The following CA5B variants were observed in gnomAD, a reference collection of about 807,000 sequenced individuals.
CA5B encodes carbonic anhydrase 5B.
In CA5B, 15 loss-of-function variants were observed where a neutral mutation model predicts 23.1. The ratio of observed to expected loss-of-function variants is 0.65; its 90% confidence interval spans 0.43 to 1.00. The LOEUF is 1.00. Among genes scored for constraint, CA5B ranks in the 50% least tolerant of loss-of-function variants. The pLI is 0.00. For synonymous variants in CA5B, 84 were observed against 98.5 expected (o/e 0.85, Z 0.87); for missense variants, 236 against 252.2 (o/e 0.94, Z 0.43).
At chrX:15,770,314 A>C (rs770702119) in intron 3 of CA5B, among the ~76,000 whole-genome samples, 1 of 111,330 alleles carries the variant, frequency 9.0e-6, no homozygotes, top group South Asian at 3.8e-4. Flanking sequence ...ACTCTGTCTC[A>C]AAAAAAAATT....
intron 2 of CA5B, among the ~76,000 whole-genome samples, chrX:15,754,963 T>A (rs758481508): frequency 8.9e-6 from 1 of 112,403 alleles, no homozygotes; most frequent in Non-Finnish European, 1.9e-5. Context: ...CTTAATATAC[T>A]GGACATTTCT....
intron 1 of CA5B, among the ~76,000 whole-genome samples, chrX:15,741,447 C>T (rs776341365): frequency 1.8e-4 from 19 of 108,192 alleles, no homozygotes; most frequent in African/African-American, 6.4e-4. Flanking sequence ...CTTTCCCTTC[C>T]CTGTTTCTCA....
Position 15,782,681 on chromosome X carries a change from C to G in CA5B, c.*17C>G, listed in dbSNP as rs756325479. The G allele has an allele frequency of 1.7e-6, 2 of 1,143,245 alleles. No individual in the cohort carries two copies. Among genetic ancestry groups the G allele is most frequent in the African/African-American group, 3.7e-5 (2 of 54,764 alleles). The allele number at this position is 1,143,245 out of a possible 1,213,427, so 94.2% of individuals were successfully genotyped here. ...ACCCCCTAAAACATTCATATCTAGGCAGTATTTTGCTTTTGCTTTAATATA... is the reference window on the plus strand; with the variant it reads ...ACCCCCTAAAACATTCATATCTAGGGAGTATTTTGCTTTTGCTTTAATATA... On this transcript the variant is annotated 3_prime_UTR_variant, in exon 8 of 8. Coordinates refer to ENST00000318636, the MANE Select transcript of CA5B (RefSeq NM_007220.4).
intron 6 of CA5B, chrX:15,775,980 G>A: frequency 1.3e-6 from 1 of 751,870 alleles, no homozygotes; most frequent in Non-Finnish European, 1.6e-6. Context: ...TTTAGTTCAG[G>A]TTTCTGGCTC....
chrX:15,756,215 G>T (rs1020699822), intron 2 of CA5B, among the ~76,000 whole-genome samples: 3 of 112,641 alleles, frequency 2.7e-5, no homozygotes, highest in Non-Finnish European at 5.6e-5. Flanking sequence ...AACCTAAGAA[G>T]TGTTCAGGGT....
intron 1 of CA5B, 129 bp downstream of exon 1, chrX:15,738,481 G>A (rs1931054208): frequency 9.0e-6 from 1 of 111,427 alleles, no homozygotes; most frequent in Non-Finnish European, 1.9e-5. Flanking sequence ...TGTTGATCCT[G>A]CGAGTATTGT....
At chrX:15,756,806 G>T (rs1236339771) in intron 2 of CA5B, among the ~76,000 whole-genome samples, 3 of 111,682 alleles carry the variant, frequency 2.7e-5, no homozygotes, top group Non-Finnish European at 5.6e-5. Context: ...TGTAATCCCA[G>T]CACTTTGGGA....
intron 7 of CA5B, among the ~76,000 whole-genome samples, chrX:15,779,311 T>A (rs1334420790): frequency 9.0e-6 from 1 of 111,683 alleles, no homozygotes; most frequent in Non-Finnish European, 1.9e-5. Context: ...GACCCTCAGT[T>A]TATTGGATGA....
intron 1 of CA5B, among the ~76,000 whole-genome samples, chrX:15,739,793 G>C (rs1931081146): frequency 8.9e-6 from 1 of 111,818 alleles, no homozygotes; most frequent in Non-Finnish European, 1.9e-5. Flanking sequence ...AGAAGTGGGT[G>C]AGAGGGGGAA....
intron 2 of CA5B, among the ~76,000 whole-genome samples, chrX:15,755,614 A>G (rs1293015414): frequency 1.8e-5 from 2 of 112,416 alleles, no homozygotes; most frequent in African/African-American, 3.2e-5. Context: ...AACGTAAGCC[A>G]CAAATATGAG....
intron 4 of CA5B, 134 bp downstream of exon 4, chrX:15,772,748 T>C (rs1931846062): frequency 7.4e-6 from 3 of 405,569 alleles, no homozygotes; most frequent in Admixed American, 7.9e-5. Flanking sequence ...GTTTTGATCA[T>C]TCTCAGCTAA....
At chrX:15,740,865 ACCAGCCTGGACAACATGGCGAAACC>A (rs1218683764) in intron 1 of CA5B, among the ~76,000 whole-genome samples, 1 of 111,627 alleles carries the variant, frequency 9.0e-6, no homozygotes, top group African/African-American at 3.3e-5. Context: ...GGAGTTCGAG[ACCAGCCTGGACAACATGGCGAAACC>A]CCGTCTCTAC....
At position 15,778,706 on chromosome X, in the gene CA5B, G is replaced by T. The variant is rs150370687; in HGVS notation, c.774+1837G>T. On this transcript the variant is annotated intron_variant, in intron 7 of 7. Transcript: ENST00000318636. ...AGGCCTCAGGAAACTTAAAATCATG[G>T]CAGAAGGCAAAAGGGAAGCAAGGAC... Among the ~76,000 whole-genome samples the T allele has an allele frequency of 9.6e-3, 1,069 of 111,445 alleles. 7 individuals carry two copies. Among genetic ancestry groups the T allele is most frequent in the Non-Finnish European group, 0.015 (795 of 53,062 alleles).
At chrX:15,761,486 A>T (rs1348453942) in intron 2 of CA5B, among the ~76,000 whole-genome samples, 1 of 112,658 alleles carries the variant, frequency 8.9e-6, no homozygotes, top group Non-Finnish European at 1.9e-5. Flanking sequence ...TAGTTTTCTG[A>T]AACAGAAACT....
chrX:15,769,842 T>TCCTTTCTCTTCACCATC (rs1480304500), intron 3 of CA5B, among the ~76,000 whole-genome samples: 4 of 112,256 alleles, frequency 3.6e-5, no homozygotes, highest in Non-Finnish European at 7.5e-5. Flanking sequence ...TCTGTGTATT[T>TCCTTTCTCTTCACCATC]CCTTTCTCTT....
At chrX:15,776,045 T>C in intron 6 of CA5B, 11 of 752,604 alleles carry the variant, frequency 1.5e-5, no homozygotes, top group Non-Finnish European at 1.7e-5. Flanking sequence ...CTCTCGAAAA[T>C]GCAAAGCCTC....
intron 2 of CA5B, among the ~76,000 whole-genome samples, chrX:15,753,317 G>C (rs749930250): frequency 8.9e-6 from 1 of 112,940 alleles, no homozygotes; most frequent in South Asian, 3.6e-4. Flanking sequence ...TTTTCTGTTT[G>C]GCAGTTGGTT....
At position 15,787,325 on chromosome X, in the gene CA5B, C is replaced by A. The variant is rs1259601752; in HGVS notation, c.*4661C>A. ...CAGGATATTGCATTCCCAGTGCATT[C>A]TACAGTTATTCTTAAGAACTACAAG... On this transcript the variant is annotated 3_prime_UTR_variant, in exon 8 of 8. Coordinates refer to ENST00000318636, the MANE Select transcript of CA5B (RefSeq NM_007220.4). 1 of 112,031 alleles carries A rather than the reference C, an allele frequency of 8.9e-6. No homozygotes were observed. Among genetic ancestry groups the A allele is most frequent in the Non-Finnish European group, 1.9e-5 (1 of 53,204 alleles). The allele number at this position is 112,031 out of a possible 1,213,427, so 9.2% of individuals were successfully genotyped here.
At chrX:15,746,022 C>CTTTTTTT (rs11304971) in intron 1 of CA5B, among the ~76,000 whole-genome samples, 3 of 53,404 alleles carry the variant, frequency 5.6e-5, no homozygotes, top group African/African-American at 1.4e-4. Context: ...GCGTCAACTT[C>CTTTTTTT]TTTTTTTTTT....
Sources: gnomAD v4.1 joint callset for allele counts (sites outside exome capture counted in the v4.1 genomes callset) on GRCh38, gnomAD v4.1.1 for gene constraint, MANE v1.5 for transcripts, NCBI Gene and HGNC (gene_info 2026-07-23, HGNC 2026-07-21) for gene names.